The following PTCHD4 variants were observed in gnomAD, a reference collection of about 807,000 sequenced individuals.
PTCHD4 encodes the protein patched domain-containing protein 4.
A neutral mutation model predicts 58.1 loss-of-function variants in PTCHD4; 33 were observed. The ratio of observed to expected loss-of-function variants is 0.57; its 90% CI spans 0.43 to 0.76. The LOEUF (loss-of-function observed/expected upper bound fraction) is 0.76, where lower values mean the gene tolerates loss of function less well. PTCHD4 is among the 30% of genes least tolerant of loss of function. The pLI is 0.00. For synonymous variants in PTCHD4, 478 were observed against 409.6 expected, an observed-to-expected ratio of 1.17 and a Z score of -2.02; for missense variants, 1,058 against 1,027.1, an observed-to-expected ratio of 1.03 and a Z score of -0.41.
At chr6:47,934,375 C>T (rs1336685533) in intron 4 of PTCHD4, among the ~76,000 whole-genome samples, 1 of 152,096 alleles carries the variant, frequency 6.6e-6, no homozygotes, top group Non-Finnish European at 1.5e-5. Flanking sequence ...GAACAAAGAA[C>T]CCCATCTTTA....
At chr6:48,101,987 C>T (rs6458600) in intron 1 of PTCHD4, among the ~76,000 whole-genome samples, 23,847 of 152,138 alleles carry the variant, frequency 0.16, 1,927 homozygotes, top group African/African-American at 0.21. Context: ...AGCTTCCCAC[C>T]AAACTTCAGG....
chr6:48,007,570 A>G (rs939408120), intron 4 of PTCHD4, among the ~76,000 whole-genome samples: 7 of 152,226 alleles, frequency 4.6e-5, no homozygotes, highest in East Asian at 1.9e-4. Flanking sequence ...ATCCAGCATC[A>G]GGAGAGGTAG....
intron 3 of PTCHD4, among the ~76,000 whole-genome samples, chr6:48,033,039 G>T (rs1763505719): frequency 6.6e-6 from 1 of 151,912 alleles, no homozygotes; most frequent in Admixed American, 6.6e-5. Context: ...ATTTTTTTTA[G>T]AATTGTGTGT....
intron 4 of PTCHD4, among the ~76,000 whole-genome samples, chr6:47,948,003 G>T (rs1766488218): frequency 6.6e-6 from 1 of 152,076 alleles, no homozygotes; most frequent in African/African-American, 2.4e-5. Flanking sequence ...AATTTCTTCA[G>T]CTTGATTTCT....
chr6:47,973,110 A>G (rs974665820), intron 4 of PTCHD4, among the ~76,000 whole-genome samples: 3 of 152,170 alleles, frequency 2.0e-5, no homozygotes, highest in Admixed American at 6.5e-5. Context: ...ATGTGTGCTT[A>G]ACTTATACCA....
At chr6:47,900,194 T>G (rs1764652133) in intron 4 of PTCHD4, 1 of 152,230 alleles carries the variant, frequency 6.6e-6, no homozygotes, top group Non-Finnish European at 1.5e-5. Flanking sequence ...TTAGCATTTT[T>G]AGGAACTGTC....
chr6:47,914,696 G>A (rs1308735960), intron 4 of PTCHD4, among the ~76,000 whole-genome samples: 1 of 95,444 alleles, frequency 1.0e-5, no homozygotes, highest in Non-Finnish European at 2.3e-5. Context: ...CTATCTATCT[G>A]TCTGTCTGTC....
chr6:47,967,203 T>A (rs1767327167), intron 4 of PTCHD4, among the ~76,000 whole-genome samples: 1 of 152,200 alleles, frequency 6.6e-6, no homozygotes, highest in African/African-American at 2.4e-5. Flanking sequence ...ACAATAATCA[T>A]CTCCTTGTAC....
chr6:48,100,622 A>G (rs1185824035), intron 1 of PTCHD4, among the ~76,000 whole-genome samples: 2 of 152,172 alleles, frequency 1.3e-5, no homozygotes, highest in African/African-American at 4.8e-5. Context: ...CAAGAATAAG[A>G]AGCCTGAGAA....
intron 4 of PTCHD4, among the ~76,000 whole-genome samples, chr6:47,972,672 A>T (rs1179508955): frequency 1.3e-5 from 2 of 151,892 alleles, no homozygotes; most frequent in Non-Finnish European, 2.9e-5. Context: ...TCAATCTATC[A>T]CCTATCTTAT....
chr6:47,870,319 T>G lies in PTCHD4; in HGVS notation c.*7984A>C, dbSNP rs1763681467. On this transcript the variant is annotated 3_prime_UTR_variant, in exon 5 of 5. Transcript: ENST00000339488. The stretch of plus-strand genomic sequence containing the variant: ...TAAATTATGAGCAATTTAACTAAAA[T>G]TATTGTATTTCAGTGTGTCCAAAAC... Among the ~76,000 whole-genome samples, 1 of 151,638 alleles carries G rather than the reference T, an allele frequency of 6.6e-6. No individual in the cohort carries two copies. The highest frequency in any genetic ancestry group is 2.1e-4 in the South Asian group (1 of 4,830).
intron 4 of PTCHD4, chr6:47,900,709 A>T (rs1402819393): frequency 1.3e-5 from 2 of 152,144 alleles, no homozygotes; most frequent in Non-Finnish European, 2.9e-5. Context: ...GTTTGTTGAG[A>T]GTTATTTTGT....
At chr6:47,924,692 T>C (rs1329255439) in intron 4 of PTCHD4, among the ~76,000 whole-genome samples, 1 of 152,206 alleles carries the variant, frequency 6.6e-6, no homozygotes, top group Non-Finnish European at 1.5e-5. Context: ...GCCCTGGGCT[T>C]CTAAGCAATT....
At chr6:47,999,607 C>T (rs757565431) in intron 4 of PTCHD4, among the ~76,000 whole-genome samples, 9 of 152,224 alleles carry the variant, frequency 5.9e-5, no homozygotes, top group Middle Eastern at 3.4e-3. Flanking sequence ...TGCTGGTTCA[C>T]GCTTTGGGAA....
chr6:47,942,528 G>A (rs903708849), intron 4 of PTCHD4, among the ~76,000 whole-genome samples: 1 of 152,130 alleles, frequency 6.6e-6, no homozygotes, highest in African/African-American at 2.4e-5. Context: ...CACAGCTGGT[G>A]AAGGTTGCCA....
intron 4 of PTCHD4, among the ~76,000 whole-genome samples, chr6:47,909,585 C>G (rs1483908262): frequency 6.6e-6 from 1 of 151,990 alleles, no homozygotes; most frequent in Non-Finnish European, 1.5e-5. Context: ...GTAACTAGAA[C>G]TACCACACGC....
At chr6:48,023,881 C>T (rs1179574924) in intron 3 of PTCHD4, among the ~76,000 whole-genome samples, 1 of 152,150 alleles carries the variant, frequency 6.6e-6, no homozygotes, top group Admixed American at 6.6e-5. Flanking sequence ...TGCTAGGGGT[C>T]ATATGACCTG....
At chr6:48,035,994 C>G (rs111250538) in intron 3 of PTCHD4, among the ~76,000 whole-genome samples, 97 of 152,164 alleles carry the variant, frequency 6.4e-4, no homozygotes, top group African/African-American at 2.1e-3. Flanking sequence ...TAAACCCTGC[C>G]TTACATTCTT....
intron 4 of PTCHD4, among the ~76,000 whole-genome samples, chr6:48,004,383 T>C (rs1768868863): frequency 1.3e-5 from 2 of 152,184 alleles, no homozygotes; most frequent in African/African-American, 4.8e-5. Flanking sequence ...GCTACTACTG[T>C]TCCTGGCAAC....
Sources: gnomAD v4.1 joint callset for allele counts (sites outside exome capture counted in the v4.1 genomes callset) on GRCh38, gnomAD v4.1.1 for gene constraint, MANE v1.5 for transcripts, NCBI Gene and HGNC (gene_info 2026-07-23, HGNC 2026-07-21) for gene names.